The following ABCA13 variants were observed in gnomAD, a reference collection of about 807,000 sequenced individuals.
ABCA13 encodes ATP-binding cassette sub-family A member 13.
ABCA13 carries 476 observed loss-of-function variants against 478.7 expected under a neutral mutation model. That is an observed-to-expected ratio of 0.99 (90% confidence interval 0.92 to 1.07). The LOEUF (loss-of-function observed/expected upper bound fraction) is 1.07. Ranked by LOEUF, ABCA13 falls within the 50% of genes least tolerant of loss-of-function variation. The pLI is 0.00. For synonymous variants in ABCA13, 2,252 were observed against 2,158.9 expected (o/e 1.04, Z -1.20); for missense variants, 6,060 against 5,910.6 (o/e 1.03, Z -0.83).
At position 48,624,471 on chromosome 7, in the gene ABCA13, A is replaced by C. The variant is rs1793470268; in HGVS notation, c.14837+9094A>C. ...TGAAGCACAGAGTTTACAATGTGAA[A>C]TACTCCAGGCCAATTTATGATTTTG... On this transcript the variant is annotated intron_variant, in intron 59 of 61. Transcript: ENST00000435803. Among the ~76,000 whole-genome samples the C allele has an allele frequency of 2.0e-5, 3 of 152,226 alleles. No homozygotes were observed. In the South Asian group the frequency reaches 6.2e-4, roughly 32 times the overall value.
At chr7:48,185,264 G>C (rs1796209415) in intron 1 of ABCA13, among the ~76,000 whole-genome samples, 1 of 152,056 alleles carries the variant, frequency 6.6e-6, no homozygotes, top group South Asian at 2.1e-4. Context: ...CTCTTCCACA[G>C]GTTGCTTTGC....
At chr7:48,392,873 A>G (rs1816271242) in intron 38 of ABCA13, among the ~76,000 whole-genome samples, 1 of 152,226 alleles carries the variant, frequency 6.6e-6, no homozygotes, top group Non-Finnish European at 1.5e-5. Context: ...TGCACAAGGC[A>G]GGGAGCAGAG....
At chr7:48,570,046 A>T (rs932137543) in intron 55 of ABCA13, among the ~76,000 whole-genome samples, 1 of 152,034 alleles carries the variant, frequency 6.6e-6, no homozygotes, top group African/African-American at 2.4e-5. Flanking sequence ...TTAAATATTG[A>T]ATATAGTGTA....
chr7:48,547,738 T>C (rs924001849), intron 55 of ABCA13, among the ~76,000 whole-genome samples: 1 of 151,940 alleles, frequency 6.6e-6, no homozygotes, highest in Non-Finnish European at 1.5e-5. Flanking sequence ...TTTACTAAAT[T>C]ACTTGAGATA....
At chr7:48,314,822 A>G (rs573335809) in intron 26 of ABCA13, among the ~76,000 whole-genome samples, 116 of 152,316 alleles carry the variant, frequency 7.6e-4, no homozygotes, top group Non-Finnish European at 1.3e-3. Context: ...GCTCAGGTAC[A>G]AGTGAATATG....
intron 31 of ABCA13, among the ~76,000 whole-genome samples, chr7:48,358,166 AAGGACAGGACAGGACAGGAC>A (rs377040023): frequency 7.4e-6 from 1 of 135,588 alleles, no homozygotes; most frequent in African/African-American, 2.9e-5. Context: ...AAAAAAAAGA[AAGGACAGGACAGGACAGGAC>A]AGGACAGGAC....
At chr7:48,359,126 G>A (rs901457718) in intron 31 of ABCA13, among the ~76,000 whole-genome samples, 17 of 151,950 alleles carry the variant, frequency 1.1e-4, no homozygotes, top group African/African-American at 3.9e-4. Flanking sequence ...CAGTGCATTG[G>A]CTTGTAGTGC....
chr7:48,358,569 T>C (rs190538816), intron 31 of ABCA13, among the ~76,000 whole-genome samples: 57 of 152,130 alleles, frequency 3.7e-4, no homozygotes, highest in Admixed American at 1.0e-3. Flanking sequence ...ATATAGTTAT[T>C]CCTCTATTCA....
At chr7:48,201,892 G>T (rs990405920) in intron 3 of ABCA13, among the ~76,000 whole-genome samples, 2 of 152,084 alleles carry the variant, frequency 1.3e-5, no homozygotes, top group African/African-American at 4.8e-5. Flanking sequence ...ATGTTCGGAC[G>T]TGTCCGGAGT....
At chr7:48,573,341 CTTAT>C (rs750089943) in intron 55 of ABCA13, among the ~76,000 whole-genome samples, 5 of 150,174 alleles carry the variant, frequency 3.3e-5, no homozygotes, top group Non-Finnish European at 5.9e-5. Context: ...TGTTTTTTAT[CTTAT>C]TTATTTATTT....
chr7:48,210,429 G>T (rs1180534888), intron 3 of ABCA13, among the ~76,000 whole-genome samples: 1 of 152,068 alleles, frequency 6.6e-6, no homozygotes, highest in African/African-American at 2.4e-5. Context: ...TTGTTTATTT[G>T]AAGTTTTTTT....
At chr7:48,201,961 A>G (rs6583457) in intron 3 of ABCA13, among the ~76,000 whole-genome samples, 62,474 of 151,248 alleles carry the variant, frequency 0.41, 13,169 homozygotes, top group African/African-American at 0.5. Context: ...GCAGACCTTC[A>G]CGGTGAGTGT....
chr7:48,491,792 T>C (rs1264190007), intron 48 of ABCA13, among the ~76,000 whole-genome samples: 1 of 152,150 alleles, frequency 6.6e-6, no homozygotes, highest in East Asian at 1.9e-4. Context: ...TGCTTGCTTG[T>C]TCCTGTGGGA....
intron 42 of ABCA13, among the ~76,000 whole-genome samples, chr7:48,431,387 C>CAAA (rs1554510483): frequency 1.4e-5 from 2 of 142,514 alleles, no homozygotes; most frequent in African/African-American, 2.6e-5. Flanking sequence ...ACAACAACAA[C>CAAA]AAATCTCTTT....
chr7:48,621,375 T>C (rs2131593178), intron 59 of ABCA13, among the ~76,000 whole-genome samples: 1 of 152,340 alleles, frequency 6.6e-6, no homozygotes, highest in South Asian at 2.1e-4. Flanking sequence ...CTTTGTCTTT[T>C]ATCAGTCCTA....
At chr7:48,265,065 C>T (rs1231866347) in intron 15 of ABCA13, among the ~76,000 whole-genome samples, 2 of 151,614 alleles carry the variant, frequency 1.3e-5, no homozygotes, top group African/African-American at 2.4e-5. Context: ...CATTGACTTA[C>T]ATTTGTATTT....
At chr7:48,238,891 A>G (rs1790379760) in intron 8 of ABCA13, among the ~76,000 whole-genome samples, 1 of 152,222 alleles carries the variant, frequency 6.6e-6, no homozygotes, top group South Asian at 2.1e-4. Context: ...AGAAAAGAAA[A>G]TGTTCTTGGC....
intron 52 of ABCA13, among the ~76,000 whole-genome samples, chr7:48,518,931 T>G (rs1832327562): frequency 6.6e-6 from 1 of 152,178 alleles, no homozygotes; most frequent in South Asian, 2.1e-4. Context: ...AAGCCCAGCA[T>G]GCATTAGCTA....
At chr7:48,233,891 C>T in intron 7 of ABCA13, 127 bp from the exon 8 acceptor site, 6 of 1,010,986 alleles carry the variant, frequency 5.9e-6, no homozygotes, top group East Asian at 2.6e-5. Flanking sequence ...ATCTGATGCC[C>T]CAGTGGTGTT....
Sources: gnomAD v4.1 joint callset for allele counts (sites outside exome capture counted in the v4.1 genomes callset) on GRCh38, gnomAD v4.1.1 for gene constraint, MANE v1.5 for transcripts, NCBI Gene and HGNC (gene_info 2026-07-23, HGNC 2026-07-21) for gene names.